Variants in IGFN1 observed in about 807,000 individuals in gnomAD.
IGFN1 encodes the protein immunoglobulin like and fibronectin type III domain containing 1.
Under a neutral mutation model 289.5 loss-of-function variants are expected in IGFN1, and 253 were observed. The ratio of observed to expected loss-of-function variants is 0.87; its 90% CI spans 0.79 to 0.97. The LOEUF is 0.97. Among genes scored for constraint, IGFN1 ranks in the 50% least tolerant of loss-of-function variants. IGFN1 has a pLI of 0.00. For synonymous variants in IGFN1, 1,706 were observed against 1,788.5 expected (o/e 0.95, Z 1.16); for missense variants, 4,470 against 4,686.1 (o/e 0.95, Z 1.35).
intron 22 of IGFN1, among the ~76,000 whole-genome samples, chr1:201,226,385 G>A (rs996138970): frequency 4.6e-5 from 7 of 152,246 alleles, no homozygotes; most frequent in African/African-American, 1.7e-4. Flanking sequence ...AGGTGCCTTT[G>A]GGAGGATTTT....
Position 201,200,316 on chromosome 1 carries a change from G to A in IGFN1, c.538G>A (p.Glu180Lys), listed in dbSNP as rs932786833. The change falls in exon 8 of 24, where the codon GAG (glutamate) becomes AAG (lysine). Residue 180 changes from glutamate to lysine, a missense_variant. By Grantham distance (56) the Glu-to-Lys change is moderately conservative. Around this residue, in one of 8 missense-constraint regions of IGFN1, gnomAD observed 2,011 missense variants for 1,953.4 expected, o/e 1.03. Coordinates refer to ENST00000335211, the MANE Select transcript of IGFN1 (RefSeq NM_001164586.2). ...GATGACAGCAGACAGGAAGGACTAC[G>A]AGAAGATCTGCTTGAAGTATGGCAT... is the stretch of plus-strand genomic sequence containing the variant. ...LLMTADRKDY[E>K]KICLKYGIVD... 10 of 1,551,564 alleles carry A rather than the reference G, an allele frequency of 6.4e-6. No individual in the cohort carries two copies. Among genetic ancestry groups the A allele is most frequent in the East Asian group, 4.9e-5 (2 of 40,920 alleles).
chr1:201,199,202 C>A (rs1667044296), intron 5 of IGFN1, 132 bp from the exon 6 acceptor site: 4 of 771,734 alleles, frequency 5.2e-6, no homozygotes, highest in Non-Finnish European at 9.0e-6. Context: ...TGGGATCGTC[C>A]ACGCCTTAGA....
Position 201,225,635 on chromosome 1 carries a change from T to C in IGFN1, c.10487-189T>C, listed in dbSNP as rs551359861. ...ACACACTGAAGTGAATTAAAATTAC[T>C]CTTTTGGGGAGATTTTCTACCCTCT... On this transcript the variant is annotated intron_variant, in intron 21 of 23. Coordinates refer to ENST00000335211, the MANE Select transcript of IGFN1 (RefSeq NM_001164586.2). Among the ~76,000 whole-genome samples the C allele has an allele frequency of 2.0e-5, 3 of 152,304 alleles. No homozygotes were observed. The South Asian group carries it at 6.2e-4, about 32-fold the overall frequency.
At chr1:201,214,485 A>G (rs1007572432) in intron 13 of IGFN1, among the ~76,000 whole-genome samples, 184 bp downstream of exon 13, 1 of 152,198 alleles carries the variant, frequency 6.6e-6, no homozygotes, top group Non-Finnish European at 1.5e-5. Context: ...GGATTTTTAA[A>G]TGATGTGTAT....
chr1:201,220,031 T>A (rs1558157962), intron 18 of IGFN1, among the ~76,000 whole-genome samples: 1 of 150,176 alleles, frequency 6.7e-6, no homozygotes, highest in Non-Finnish European at 1.5e-5. Flanking sequence ...CCTTCCTCCC[T>A]CCCTGTCTTC....
intron 6 of IGFN1, 53 bp from the exon 7 acceptor site, chr1:201,199,556 A>T: frequency 6.6e-7 from 1 of 1,519,376 alleles, no homozygotes; most frequent in South Asian, 1.2e-5. Flanking sequence ...GCTCTGCATC[A>T]ACCCTCAGTC....
At position 201,221,480 on chromosome 1, in the gene IGFN1, A is replaced by G; in HGVS notation, c.9935A>G (p.Asp3312Gly). The change falls in exon 19 of 24, where the codon GAC becomes GGC. Residue 3312 changes from aspartate (D) to glycine (G), a missense_variant. Physicochemically the swap from Asp to Gly is moderately conservative, Grantham distance 94 (BLOSUM62 -1). This residue lies in a region of IGFN1 where 2,218 missense variants were observed against 2,114.1 expected (regional missense o/e 1.05). Coordinates refer to ENST00000335211, the MANE Select transcript of IGFN1 (RefSeq NM_001164586.2). ...PGLVRNLQVT[D>G]RSNTSITLSW... The stretch of plus-strand genomic sequence containing the variant: ...CTGGTGAGGAATCTCCAAGTCACAG[A>G]CAGATCGAACACCAGCATCACTCTG... The G allele has an allele frequency of 6.2e-7, 1 of 1,610,962 alleles. No homozygotes were observed. Among genetic ancestry groups the G allele is most frequent in the South Asian group, 1.1e-5 (1 of 90,274 alleles).
At position 201,209,415 on chromosome 1, in the gene IGFN1, G is replaced by A; in HGVS notation, c.4522G>A (p.Gly1508Arg). The change falls in exon 12 of 24, where the codon GGG (glycine) becomes AGG (arginine). Residue 1508 changes from glycine (G) to arginine (R), a missense_variant. This residue lies in a region of IGFN1 where 2,011 missense variants were observed against 1,953.4 expected (regional missense o/e 1.03). Coordinates refer to ENST00000335211, the MANE Select transcript of IGFN1 (RefSeq NM_001164586.2). ...DLGVSEGGGS[G>R]SKAGYRGGLG... ...GGGGGTTTCTGAGGGAGGGGGTTCA[G>A]GGAGCAAAGCAGGTTATAGGGGTGG... 6.5e-7 allele frequency: 1 copy of A among 1,528,958 alleles called. No homozygotes were observed. The highest frequency in any genetic ancestry group is 1.4e-5 in the African/African-American group (1 of 72,588). The allele number at this position is 1,528,958 out of a possible 1,614,324, so 94.7% of individuals were successfully genotyped here.
Position 201,205,372 on chromosome 1 carries a change from C to CT in IGFN1, c.1189+19dup, listed in dbSNP as rs1452972488. The CT allele has an allele frequency of 6.6e-7, 1 of 1,508,232 alleles. No individual in the cohort carries two copies. Among genetic ancestry groups the CT allele is most frequent in the Non-Finnish European group, 8.9e-7 (1 of 1,121,876 alleles). 93.4% of individuals were successfully genotyped at this position (1,508,232 alleles called of 1,614,324 possible). On this transcript the variant is annotated intron_variant, in intron 11 of 23. Transcript: ENST00000335211. ...GGTTGAAGGTGAGTGCTTCAAAACT[C>CT]TGTCTTTCTCTGCCTCCAGGGAAGA...
At chr1:201,224,399 G>T (rs1653945123) in intron 20 of IGFN1, among the ~76,000 whole-genome samples, 1 of 152,114 alleles carries the variant, frequency 6.6e-6, no homozygotes, top group Admixed American at 6.5e-5. Context: ...TGTCTGTAGA[G>T]GTGTGACGTG....
At position 201,213,294 on chromosome 1, in the gene IGFN1, G is replaced by A; in HGVS notation, c.8401G>A (p.Gly2801Arg). ...GGCCCTAAAGGAGGATGAAGGGCAG[G>A]GAGTGGAAGAGGCTGGGAGGTCAGG... Reference protein sequence around the residue: ...PGALKEDEGQGVEEAGRSGRR... With the variant: ...PGALKEDEGQRVEEAGRSGRR... Residue 2801 changes from glycine (G) to arginine (R), a missense_variant, in exon 12 of 24, where the codon GGA becomes AGA. Around this residue, in one of 8 missense-constraint regions of IGFN1, gnomAD observed 2,218 missense variants for 2,114.1 expected, o/e 1.05. Coordinates refer to ENST00000335211, the MANE Select transcript of IGFN1 (RefSeq NM_001164586.2). 4 of 1,564,568 alleles carry A rather than the reference G, an allele frequency of 2.6e-6. No homozygotes were observed. The highest frequency in any genetic ancestry group is 2.6e-6 in the Non-Finnish European group (3 of 1,154,288).
In IGFN1 at chr1:201,208,689, G is replaced by T. The variant is rs1322756745; in HGVS notation, c.3796G>T (p.Asp1266Tyr). The change falls in exon 12 of 24, where the codon GAT becomes TAT. Residue 1266 changes from aspartate (D) to tyrosine (Y), a missense_variant. Asp to Tyr is a radical substitution (Grantham distance 160, BLOSUM62 -3). Coordinates refer to ENST00000335211, the MANE Select transcript of IGFN1 (RefSeq NM_001164586.2). ...SGGLQGMGSA[D>Y]GPGCRKGIGS... is the part of the protein sequence containing the mutation. ...AGGCCTCCAAGGAATGGGATCAGCA[G>T]ATGGGCCAGGTTGTAGGAAGGGTAT... The T allele has an allele frequency of 6.5e-7, 1 of 1,537,024 alleles. No individual in the cohort carries two copies. Among genetic ancestry groups the T allele is most frequent in the South Asian group, 1.2e-5 (1 of 84,042 alleles).
At chr1:201,227,309 G>A (rs765844267) in intron 23 of IGFN1, 101 bp downstream of exon 23, 29 of 898,730 alleles carry the variant, frequency 3.2e-5, no homozygotes, top group East Asian at 5.3e-5. Flanking sequence ...GGATTCAGCC[G>A]GGAGTCAGGA....
rs150370785 is a variant in IGFN1, at chr1:201,216,526, G to A, written c.9368G>A (p.Arg3123Gln). ...CHRAGVCLRW[R>Q]PPRDNGGRTV... Reference sequence around the variant, plus strand: ...AGGGCTGGCGTCTGCCTCCGCTGGCGGCCCCCAAGGGACAATGGGGGCCGG... The same window carrying A: ...AGGGCTGGCGTCTGCCTCCGCTGGCAGCCCCCAAGGGACAATGGGGGCCGG... The change falls in exon 16 of 24, where the codon CGG (arginine) becomes CAG (glutamine). Residue 3123 changes from arginine to glutamine, a missense_variant. Physicochemically the swap from Arg to Gln is conservative, Grantham distance 43. This residue lies in a region of IGFN1 where 2,218 missense variants were observed against 2,114.1 expected (regional missense o/e 1.05). Coordinates refer to ENST00000335211, the MANE Select transcript of IGFN1 (RefSeq NM_001164586.2). 4.0e-5 allele frequency: 65 copies of A among 1,610,686 alleles called. No individual in the cohort carries two copies. Among genetic ancestry groups the A allele is most frequent in the African/African-American group, 1.6e-4 (12 of 74,858 alleles).
intron 18 of IGFN1, among the ~76,000 whole-genome samples, chr1:201,219,199 C>T (rs10399694): frequency 0.011 from 1,605 of 152,324 alleles, 32 homozygotes; most frequent in African/African-American, 0.037. Context: ...TCAGGCAGGG[C>T]GGAGGGCAGG....
In IGFN1 at chr1:201,207,237, A is replaced by G. The variant is rs536352284; in HGVS notation, c.2344A>G (p.Arg782Gly). 5.2e-6 allele frequency: 8 copies of G among 1,536,800 alleles called. No individual in the cohort carries two copies. The East Asian group carries it at 2.0e-4, about 38-fold the overall frequency. ...KTGPGGPGDP[R>G]GCEGVLQELR... Reference sequence around the variant, plus strand: ...TGGCCCTGGAGGCCCAGGAGACCCCAGAGGCTGCGAAGGTGTCCTACAGGA... The same window carrying G: ...TGGCCCTGGAGGCCCAGGAGACCCCGGAGGCTGCGAAGGTGTCCTACAGGA... The change falls in exon 12 of 24, where the codon AGA becomes GGA. Residue 782 changes from arginine (R) to glycine (G), a missense_variant. Coordinates refer to ENST00000335211, the MANE Select transcript of IGFN1 (RefSeq NM_001164586.2).
chr1:201,193,553 G>A (rs1666755201), intron 2 of IGFN1, among the ~76,000 whole-genome samples: 1 of 152,170 alleles, frequency 6.6e-6, no homozygotes, highest in African/African-American at 2.4e-5. Context: ...CCAGGTTCAA[G>A]TGATTCTCCC....
At position 201,228,447 on chromosome 1, in the gene IGFN1, G is replaced by A. The variant is rs373329447; in HGVS notation, c.*48G>A. ...CCTGGACCCTTGAAGCTTCACTTCC[G>A]ACACCTGCACTGGCCCGGGAAGCCA... On this transcript the variant is annotated 3_prime_UTR_variant, in exon 24 of 24. Transcript: ENST00000335211. The A allele has an allele frequency of 1.9e-5, 30 of 1,599,690 alleles. No individual in the cohort carries two copies. Among genetic ancestry groups the A allele is most frequent in the East Asian group, 8.9e-5 (4 of 44,816 alleles).
chr1:201,207,027 T>TGGG lies in IGFN1; in HGVS notation c.2137_2139dup (p.Gly713dup). On this transcript the variant is annotated inframe_insertion, in exon 12 of 24. Transcript: ENST00000335211. The stretch of plus-strand genomic sequence containing the variant: ...TGACTATGGGGAAGCCAGGGGCTAC[T>TGGG]GGGGGTCAGGAGAGTTGCTAGAACA... 2.6e-6 allele frequency: 4 copies of TGGG among 1,536,680 alleles called. 1 individual carries two copies. The South Asian group carries it at 4.8e-5, about 18-fold the overall frequency.
Sources: gnomAD v4.1 joint callset for allele counts (sites outside exome capture counted in the v4.1 genomes callset) on GRCh38, gnomAD v4.1.1 for gene constraint, gnomAD v4.1.1 regional missense constraint, MANE v1.5 for transcripts, NCBI Gene and HGNC (gene_info 2026-07-23, HGNC 2026-07-21) for gene names.